The following EXPH5 variants were observed in gnomAD, a reference collection of about 807,000 sequenced individuals.
The protein encoded by EXPH5 is exophilin-5.
EXPH5 carries 42 observed loss-of-function variants against 41.1 expected under a neutral mutation model. The ratio of observed to expected loss-of-function variants is 1.02; its 90% CI spans 0.80 to 1.32. EXPH5 has a LOEUF of 1.32. Among genes scored for constraint, EXPH5 ranks in the 40% most tolerant of loss-of-function variants. EXPH5 has a pLI of 0.00. For missense variants in EXPH5, 2,298 were observed against 2,314.5 expected, an observed-to-expected ratio of 0.99 and a Z score of 0.15; for synonymous variants, 798 against 833.5, an observed-to-expected ratio of 0.96 and a Z score of 0.73.
At chr11:108,580,818 A>C (rs930947380) in intron 1 of EXPH5, among the ~76,000 whole-genome samples, 2 of 152,176 alleles carry the variant, frequency 1.3e-5, no homozygotes, top group Non-Finnish European at 2.9e-5. Flanking sequence ...GCTAAACACC[A>C]CACGTTCTCA....
At position 108,509,821 on chromosome 11, in the gene EXPH5, C is replaced by T. The variant is rs184329301; in HGVS notation, c.5686G>A (p.Ala1896Thr). The T allele has an allele frequency of 3.4e-5, 55 of 1,613,582 alleles. 2 individuals carry two copies. In the Admixed American group the frequency reaches 8.8e-4, roughly 26 times the overall value. Reference protein sequence around the residue: ...YGIFGKEQQLAFLENVKRSLT... With the variant: ...YGIFGKEQQLTFLENVKRSLT... ...GACCTCTTTACATTTTCTAAGAAAG[C>T]TAACTGTTGTTCTTTCCCAAAGATC... Residue 1896 changes from alanine to threonine, a missense_variant, in exon 6 of 6, where the codon GCT becomes ACT. Ala to Thr is a moderately conservative substitution (Grantham distance 58, BLOSUM62 0). Coordinates refer to ENST00000265843, the MANE Select transcript of EXPH5 (RefSeq NM_015065.3).
intron 1 of EXPH5, among the ~76,000 whole-genome samples, chr11:108,545,268 G>T (rs576777160): frequency 2.0e-5 from 3 of 152,206 alleles, no homozygotes; most frequent in African/African-American, 7.2e-5. Context: ...TTAAAAGTTA[G>T]CCAGGCGTGG....
intron 1 of EXPH5, among the ~76,000 whole-genome samples, chr11:108,566,314 A>G (rs1254253193): frequency 6.6e-6 from 1 of 152,110 alleles, no homozygotes; most frequent in Non-Finnish European, 1.5e-5. Flanking sequence ...TCCCCAATGG[A>G]TGAGTGGATA....
intron 4 of EXPH5, among the ~76,000 whole-genome samples, chr11:108,526,755 C>G (rs10890852): frequency 0.3 from 45,873 of 152,182 alleles, 9,329 homozygotes; most frequent in African/African-American, 0.58. Flanking sequence ...TTCTAATCCT[C>G]AGTCTGCTAT....
Position 108,514,770 on chromosome 11 carries a change from T to C in EXPH5, c.737A>G (p.Tyr246Cys), listed in dbSNP as rs1194973677. 6 of 1,610,530 alleles carry C rather than the reference T, an allele frequency of 3.7e-6. No homozygotes were observed. The highest frequency in any genetic ancestry group is 5.1e-6 in the Non-Finnish European group (6 of 1,179,020). The change falls in exon 6 of 6, where the codon TAT becomes TGT. Residue 246 changes from tyrosine (Y) to cysteine (C), a missense_variant. Tyr to Cys is a radical substitution (Grantham distance 194). Coordinates refer to ENST00000265843, the MANE Select transcript of EXPH5 (RefSeq NM_015065.3). ...ATTACCATGTCTGTTACCACTGGAA[T>C]AAAAGTGACCGAACTGTGTTCTTGA... Reference protein sequence around the residue: ...YGSRTQFGHFYSSGNRHGNIT... With the variant: ...YGSRTQFGHFCSSGNRHGNIT...
Position 108,514,562 on chromosome 11 carries a change from A to G in EXPH5, c.945T>C (p.Thr315=). 6.2e-7 allele frequency: 1 copy of G among 1,614,044 alleles called. No homozygotes were observed. The change falls in exon 6 of 6, where the codon ACT becomes ACC. Residue 315 remains threonine, a synonymous_variant. Transcript: ENST00000265843. ...VFKEDYVQKN[T]FGSTSLCFDS... is the part of the protein sequence containing the mutation. Reference sequence around the variant, plus strand: ...CAAAACACAGCGAAGTACTGCCAAAAGTATTCTTTTGCACATAATCTTCTT... The same window carrying G: ...CAAAACACAGCGAAGTACTGCCAAAGGTATTCTTTTGCACATAATCTTCTT...
the EXPH5 span, among the ~76,000 whole-genome samples, chr11:108,606,211 A>G: frequency 6.6e-6 from 1 of 151,978 alleles, no homozygotes; most frequent in East Asian, 1.9e-4. Context: ...TACCTTCTAC[A>G]CCAAATCCCC....
At chr11:108,579,829 C>T (rs1240234068) in intron 1 of EXPH5, among the ~76,000 whole-genome samples, 1 of 152,068 alleles carries the variant, frequency 6.6e-6, no homozygotes, top group Non-Finnish European at 1.5e-5. Context: ...CAGGAAAAGC[C>T]CCCTAGTTCA....
intron 1 of EXPH5, among the ~76,000 whole-genome samples, chr11:108,588,665 T>C (rs1353899784): frequency 1.3e-5 from 2 of 152,218 alleles, no homozygotes; most frequent in Non-Finnish European, 2.9e-5. Context: ...ATGTTAGCTA[T>C]TATTACAGTT....
intron 1 of EXPH5, among the ~76,000 whole-genome samples, chr11:108,589,118 A>G (rs532303540): frequency 2.6e-5 from 4 of 152,338 alleles, no homozygotes; most frequent in Admixed American, 6.5e-5. Context: ...GCTACAGTTC[A>G]TCTTACACAT....
At chr11:108,529,267 C>T (rs1019596055) in intron 3 of EXPH5, among the ~76,000 whole-genome samples, 3 of 152,178 alleles carry the variant, frequency 2.0e-5, no homozygotes, top group Non-Finnish European at 2.9e-5. Context: ...ATTTGTGTTG[C>T]TTTCTCAGAT....
chr11:108,541,520 C>A, intron 2 of EXPH5, 132 bp downstream of exon 2: 1 of 546,364 alleles, frequency 1.8e-6, no homozygotes, highest in Admixed American at 3.8e-5. Context: ...GTATTATAAA[C>A]TTTTGTGGCT....
intron 1 of EXPH5, among the ~76,000 whole-genome samples, chr11:108,567,651 A>G (rs1161762587): frequency 6.6e-6 from 1 of 152,200 alleles, no homozygotes; most frequent in Non-Finnish European, 1.5e-5. Flanking sequence ...GGCCTTCAAA[A>G]TATTTGTCAA....
At position 108,510,255 on chromosome 11, in the gene EXPH5, C is replaced by G. The variant is rs777986803; in HGVS notation, c.5252G>C (p.Arg1751Thr). The G allele has an allele frequency of 4.3e-6, 7 of 1,613,800 alleles. No individual in the cohort carries two copies. Among genetic ancestry groups the G allele is most frequent in the Non-Finnish European group, 5.1e-6 (6 of 1,179,978 alleles). The change falls in exon 6 of 6, where the codon AGG becomes ACG. Residue 1751 changes from arginine (R) to threonine (T), a missense_variant. Coordinates refer to ENST00000265843, the MANE Select transcript of EXPH5 (RefSeq NM_015065.3). ...CTCCAGTGGAAAAGGAGGGCTCAGC[C>G]TCCTCTGATTGTCAGAGAATTCTGC... Reference protein sequence around the residue: ...REAEFSDNQRRLSPPFPLEPA... With the variant: ...REAEFSDNQRTLSPPFPLEPA...
intron 1 of EXPH5, among the ~76,000 whole-genome samples, chr11:108,546,771 A>AAAAATACTTTAT (rs2093940050): frequency 2.6e-5 from 4 of 152,036 alleles, no homozygotes; most frequent in Admixed American, 2.6e-4. Context: ...ATACTGCTTT[A>AAAAATACTTTAT]AAAATACTTT....
chr11:108,570,747 C>A (rs78221931), intron 1 of EXPH5, among the ~76,000 whole-genome samples: 1 of 152,056 alleles, frequency 6.6e-6, no homozygotes. Flanking sequence ...GGTCTCGCTA[C>A]GTTGTTCAGG....
rs373480420 is a variant in EXPH5, at chr11:108,562,408, A to G, written c.120-20596T>C. ...GGAGTTTGAGACCAGCCTAGCCAAC[A>G]TGGAGAAACCCGTTCTCTACTAAAC... On this transcript the variant is annotated intron_variant, in intron 1 of 5. Transcript: ENST00000265843. Among the ~76,000 whole-genome samples the G allele has an allele frequency of 4.0e-5, 6 of 151,502 alleles. No individual in the cohort carries two copies. In the South Asian group the frequency reaches 6.3e-4, roughly 16 times the overall value.
the EXPH5 span, among the ~76,000 whole-genome samples, chr11:108,604,227 CAAAAAA>C: frequency 0.068 from 7,413 of 109,720 alleles, 246 homozygotes; most frequent in African/African-American, 0.12. Flanking sequence ...CCCATCTCTA[CAAAAAA>C]AAAAAAAAAA....
At chr11:108,526,787 T>C (rs2093802361) in intron 4 of EXPH5, among the ~76,000 whole-genome samples, 1 of 152,182 alleles carries the variant, frequency 6.6e-6, no homozygotes, top group East Asian at 1.9e-4. Flanking sequence ...ACCTTGAGCA[T>C]GATCTTTAAC....
Sources: allele counts gnomAD v4.1 joint callset (sites outside exome capture counted in the v4.1 genomes callset), GRCh38; gene constraint gnomAD v4.1.1; transcripts MANE v1.5; gene names NCBI Gene and HGNC (gene_info 2026-07-23, HGNC 2026-07-21).